C6orf132: variants seen among roughly 807,000 people sequenced by gnomAD.
C6orf132 encodes the protein uncharacterized protein C6orf132.
C6orf132 carries 43 observed loss-of-function variants against 65.3 expected under a neutral mutation model. The ratio of observed to expected loss-of-function variants is 0.66; its 90% confidence interval spans 0.52 to 0.85. The LOEUF (loss-of-function observed/expected upper bound fraction) is 0.85, where lower values mean the gene tolerates loss of function less well. C6orf132 is among the 40% of genes least tolerant of loss of function. The pLI, the probability that C6orf132 is intolerant of heterozygous loss-of-function variation, is 0.00. For missense variants in C6orf132, 1,488 were observed against 1,548.8 expected (o/e 0.96, Z 0.66); for synonymous variants, 631 against 654.1 (o/e 0.96, Z 0.54).
At chr6:42,130,777 C>T (rs1011921582) in intron 1 of C6orf132, among the ~76,000 whole-genome samples, 1 of 150,146 alleles carries the variant, frequency 6.7e-6, no homozygotes. Context: ...TTTTTTTTAT[C>T]TTTATTTTTT....
chr6:42,106,595 A>C lies in C6orf132; in HGVS notation c.1317T>G (p.Pro439=). The change falls in exon 4 of 5, where the codon CCT becomes CCG. Residue 439 remains proline (P), a synonymous_variant. Transcript: ENST00000341865. ...GFTKTPKSSS[P]ALKPKPNPPS... The stretch of plus-strand genomic sequence containing the variant: ...GGGGGTTGGGTTTGGGTTTGAGAGC[A>C]GGAGAGCTGGATTTAGGGGTTTTTG... 1 of 1,535,666 alleles carries C rather than the reference A, an allele frequency of 6.5e-7. No individual in the cohort carries two copies. The highest frequency in any genetic ancestry group is 8.7e-7 in the Non-Finnish European group (1 of 1,146,678).
intron 1 of C6orf132, among the ~76,000 whole-genome samples, chr6:42,134,545 G>A (rs192345946): frequency 1.1e-4 from 16 of 152,202 alleles, no homozygotes; most frequent in Admixed American, 3.9e-4. Flanking sequence ...AGGCCAAGGC[G>A]GGTGGATCAC....
At chr6:42,132,571 T>C (rs116366611) in intron 1 of C6orf132, among the ~76,000 whole-genome samples, 6,507 of 150,120 alleles carry the variant, frequency 0.043, 484 homozygotes, top group African/African-American at 0.15. Context: ...GGTGTGGGGC[T>C]GGGCGCGGTG....
chr6:42,107,073 G>A lies in C6orf132; in HGVS notation c.839C>T (p.Pro280Leu). Reference sequence around the variant, plus strand: ...CAGGGCGCTCCCCTTTGGCTCAGCAGGGCTTCTCGGGGGGCTGGCTCTGGT... The same window carrying A: ...CAGGGCGCTCCCCTTTGGCTCAGCAAGGCTTCTCGGGGGGCTGGCTCTGGT... ...EATRASPPRS[P>L]AEPKGSALGP... Residue 280 changes from proline to leucine, a missense_variant, in exon 4 of 5, where the codon CCT (proline) becomes CTT (leucine). Transcript: ENST00000341865. 4 of 1,477,280 alleles carry A rather than the reference G, an allele frequency of 2.7e-6. No individual in the cohort carries two copies. Among genetic ancestry groups the A allele is most frequent in the Non-Finnish European group, 3.6e-6 (4 of 1,116,058 alleles). The allele number at this position is 1,477,280 out of a possible 1,614,324, so 91.5% of individuals were successfully genotyped here. A position where few individuals can be genotyped will look rare whatever the true frequency, so the allele number is the denominator to read the frequency against.
chr6:42,115,625 G>A lies in C6orf132; in HGVS notation c.253-5334C>T, dbSNP rs1381232603. Among the ~76,000 whole-genome samples the A allele has an allele frequency of 9.2e-5, 14 of 152,274 alleles. No individual in the cohort carries two copies. In the East Asian group the frequency reaches 1.5e-3, roughly 17 times the overall value. On this transcript the variant is annotated intron_variant, in intron 2 of 4. Transcript: ENST00000341865. ...GGAGGCACTGCACTCCAGCCTGGGCGACAGAGCGAGACTCCGTCTCAAAAA... is the reference window on the plus strand; with the variant it reads ...GGAGGCACTGCACTCCAGCCTGGGCAACAGAGCGAGACTCCGTCTCAAAAA...
chr6:42,110,218 G>A lies in C6orf132; in HGVS notation c.326C>T (p.Thr109Ile), dbSNP rs1369090234. The part of the protein sequence containing the change: ...VPDDFADKEV[T>I]GTSSLVNGNL... ...CCCCAAGCCCAGGGTTCACTTACCT[G>A]TCACTTCTTTGTCTGCAAAATCATC... The change falls in exon 3 of 5, where the codon ACA (threonine) becomes ATA (isoleucine). Residue 109 changes from threonine to isoleucine, a missense_variant and splice_region_variant. Physicochemically the swap from Thr to Ile is moderately conservative, Grantham distance 89 (BLOSUM62 -1). Coordinates refer to ENST00000341865, the MANE Select transcript of C6orf132 (RefSeq NM_001164446.3). 6.5e-7 allele frequency: 1 copy of A among 1,548,522 alleles called. No individual in the cohort carries two copies. The highest frequency in any genetic ancestry group is 1.2e-5 in the South Asian group (1 of 83,424).
chr6:42,125,368 G>A (rs1766747855), intron 2 of C6orf132, among the ~76,000 whole-genome samples: 1 of 152,162 alleles, frequency 6.6e-6, no homozygotes, highest in African/African-American at 2.4e-5. Context: ...CACCTTGCTC[G>A]GAGGGTGGCT....
At chr6:42,132,536 G>T (rs764159158) in intron 1 of C6orf132, among the ~76,000 whole-genome samples, 4,075 of 147,608 alleles carry the variant, frequency 0.028, 99 homozygotes, top group African/African-American at 0.059. Context: ...AGAAGAAGAA[G>T]AAGAAGAAGA....
chr6:42,115,743 G>A (rs1047375660), intron 2 of C6orf132, among the ~76,000 whole-genome samples: 9 of 151,978 alleles, frequency 5.9e-5, no homozygotes, highest in African/African-American at 2.2e-4. Flanking sequence ...CAGAAGACAA[G>A]AAATCAAAAG....
intron 2 of C6orf132, among the ~76,000 whole-genome samples, chr6:42,112,553 T>C: frequency 6.6e-6 from 1 of 152,234 alleles, no homozygotes; most frequent in East Asian, 1.9e-4. Context: ...CTGTGAGGAC[T>C]AAATGATGCA....
At chr6:42,123,690 C>T (rs150134737) in intron 2 of C6orf132, among the ~76,000 whole-genome samples, 4 of 152,172 alleles carry the variant, frequency 2.6e-5, no homozygotes, top group Non-Finnish European at 1.5e-5. Context: ...GATCACCCCT[C>T]ACTCAGCCAG....
At chr6:42,118,891 T>TA in intron 2 of C6orf132, among the ~76,000 whole-genome samples, 1 of 133,586 alleles carries the variant, frequency 7.5e-6, no homozygotes, top group East Asian at 2.0e-4. Context: ...TTTTTTTTTT[T>TA]TAGAGATAGG....
At position 42,129,336 on chromosome 6, in the gene C6orf132, C is replaced by A. The variant is rs185822130; in HGVS notation, c.146-558G>T. On this transcript the variant is annotated intron_variant, in intron 1 of 4. Coordinates refer to ENST00000341865, the MANE Select transcript of C6orf132 (RefSeq NM_001164446.3). ...GCTTGCTTTAATGCACCCTTGAGGG[C>A]AGAGCAGAAAAAACGGGACAGTAGG... is the stretch of plus-strand genomic sequence containing the variant. Among the ~76,000 whole-genome samples the A allele has an allele frequency of 2.0e-5, 3 of 152,196 alleles. No individual in the cohort carries two copies. The East Asian group carries it at 5.8e-4, about 29-fold the overall frequency.
chr6:42,115,793 A>G (rs1465951538), intron 2 of C6orf132, among the ~76,000 whole-genome samples: 3 of 152,128 alleles, frequency 2.0e-5, no homozygotes, highest in Non-Finnish European at 2.9e-5. Context: ...TGTAACCTCT[A>G]GACATCACCT....
At chr6:42,119,921 C>T (rs1766652496) in intron 2 of C6orf132, among the ~76,000 whole-genome samples, 1 of 151,896 alleles carries the variant, frequency 6.6e-6, no homozygotes, top group South Asian at 2.1e-4. Flanking sequence ...CATGGAGAAA[C>T]TTGTCTCTAC....
intron 2 of C6orf132, among the ~76,000 whole-genome samples, chr6:42,118,547 C>T (rs1156458954): frequency 6.6e-6 from 1 of 152,162 alleles, no homozygotes; most frequent in Non-Finnish European, 1.5e-5. Flanking sequence ...CAGCCCACAT[C>T]GAAAGGGGCA....
Position 42,103,642 on chromosome 6 carries a change from C to T in C6orf132, c.*119G>A. On this transcript the variant is annotated 3_prime_UTR_variant, in exon 5 of 5. Transcript: ENST00000341865. Reference sequence around the variant, plus strand: ...GTTGGTCTTTGGGGATCAAAGACTCCTCTGTGTCTGAGTCAGGTCGCCCAA... The same window carrying T: ...GTTGGTCTTTGGGGATCAAAGACTCTTCTGTGTCTGAGTCAGGTCGCCCAA... 3.9e-6 allele frequency: 2 copies of T among 516,394 alleles called. No homozygotes were observed. The highest frequency in any genetic ancestry group is 6.2e-6 in the Non-Finnish European group (2 of 323,224). 32.0% of individuals were successfully genotyped at this position (516,394 alleles called of 1,614,324 possible).
At chr6:42,127,441 CT>C (rs1379979535) in intron 2 of C6orf132, among the ~76,000 whole-genome samples, 1 of 152,032 alleles carries the variant, frequency 6.6e-6, no homozygotes. Context: ...AATCTTAGGT[CT>C]GATTGTTGAA....
chr6:42,142,181 G>C, intron 1 of C6orf132, 119 bp downstream of exon 1: 2 of 1,193,676 alleles, frequency 1.7e-6, no homozygotes, highest in South Asian at 3.1e-5. Context: ...GGCTGCTCTC[G>C]GCCAGTCCGC....
Sources: allele counts gnomAD v4.1 joint callset (sites outside exome capture counted in the v4.1 genomes callset), GRCh38; gene constraint gnomAD v4.1.1; transcripts MANE v1.5; gene names NCBI Gene and HGNC (gene_info 2026-07-23, HGNC 2026-07-21).